KRT23: variants seen among roughly 807,000 people sequenced by gnomAD.
KRT23 encodes the protein keratin 23.
Under a neutral mutation model 47.6 loss-of-function variants are expected in KRT23, and 38 were observed. That is an observed-to-expected ratio of 0.80 (90% CI 0.62 to 1.05). The LOEUF is 1.05. Among genes scored for constraint, KRT23 ranks in the 50% least tolerant of loss-of-function variants. The probability of loss-of-function intolerance (pLI) is 0.00; values close to 1 mark genes in which losing one functional copy is unlikely to be tolerated. For missense variants in KRT23, 503 were observed against 529.5 expected (o/e 0.95, Z 0.49); for synonymous variants, 191 against 199.0 (o/e 0.96, Z 0.34).
intron 6 of KRT23, among the ~76,000 whole-genome samples, chr17:40,927,643 A>G (rs1909313482): frequency 1.3e-5 from 2 of 152,144 alleles, no homozygotes; most frequent in Non-Finnish European, 2.9e-5. Flanking sequence ...GCATTTTTCT[A>G]AACTGTGAAG....
chr17:40,936,488 C>G lies in KRT23; in HGVS notation c.116G>C (p.Gly39Ala). The G allele has an allele frequency of 6.4e-7, 1 of 1,564,862 alleles. No homozygotes were observed. Among genetic ancestry groups the G allele is most frequent in the South Asian group, 1.2e-5 (1 of 82,448 alleles). ...PRAPTVHGGA[G>A]GARISLSFTT... ...GAAGGACAGGGAGATGCGGGCTCCC[C>G]CCGCACCGCCATGGACGGTGGGAGC... Residue 39 changes from glycine to alanine, a missense_variant, in exon 2 of 9, where the codon GGG becomes GCG. Transcript: ENST00000209718.
At chr17:40,932,669 G>A (rs1413488926) in intron 2 of KRT23, among the ~76,000 whole-genome samples, 1 of 152,132 alleles carries the variant, frequency 6.6e-6, no homozygotes, top group African/African-American at 2.4e-5. Context: ...GAGAATCCTG[G>A]GTAATTCCCA....
At chr17:40,932,764 G>T (rs1402938780) in intron 2 of KRT23, among the ~76,000 whole-genome samples, 2 of 152,160 alleles carry the variant, frequency 1.3e-5, no homozygotes, top group African/African-American at 4.8e-5. Flanking sequence ...CCTTTTAAAA[G>T]TCTGGTCCTA....
chr17:40,929,764 T>G, intron 4 of KRT23, 176 bp downstream of exon 4: 2 of 517,870 alleles, frequency 3.9e-6, no homozygotes, highest in Non-Finnish European at 6.7e-6. Flanking sequence ...GACATGTGAC[T>G]AGCTAACCTT....
intron 2 of KRT23, among the ~76,000 whole-genome samples, chr17:40,935,612 T>C (rs1452731180): frequency 6.6e-6 from 1 of 152,224 alleles, no homozygotes. Flanking sequence ...TGAGCAACTT[T>C]ACTGCAAGCA....
chr17:40,933,345 G>A (rs1909826965), intron 2 of KRT23, among the ~76,000 whole-genome samples: 1 of 152,148 alleles, frequency 6.6e-6, no homozygotes, highest in Non-Finnish European at 1.5e-5. Flanking sequence ...CCACAGTGCT[G>A]CTTAGGGGCA....
chr17:40,924,375 C>G, intron 8 of KRT23, 97 bp downstream of exon 8: 3 of 936,430 alleles, frequency 3.2e-6, no homozygotes, highest in Non-Finnish European at 5.1e-6. Context: ...GAACCCAGGA[C>G]ATTTGGGAGT....
chr17:40,924,373 G>T, intron 8 of KRT23, 99 bp downstream of exon 8: 1 of 916,154 alleles, frequency 1.1e-6, no homozygotes, highest in East Asian at 2.5e-5. Context: ...TTGAACCCAG[G>T]ACATTTGGGA....
At position 40,929,933 on chromosome 17, in the gene KRT23, G is replaced by T. The variant is rs1176830680; in HGVS notation, c.636+7C>A. On this transcript the variant is annotated splice_region_variant and intron_variant, in intron 4 of 8. Transcript: ENST00000209718. ...GCTTATTAGCAGGTGTTCCTGGGGA[G>T]TTGTACCTGCTCATGGTGCTTCTTC... 6.2e-7 allele frequency: 1 copy of T among 1,613,418 alleles called. No individual in the cohort carries two copies. The highest frequency in any genetic ancestry group is 8.5e-7 in the Non-Finnish European group (1 of 1,179,804).
At chr17:40,929,077 A>G (rs1309520535) in intron 4 of KRT23, among the ~76,000 whole-genome samples, 1 of 151,944 alleles carries the variant, frequency 6.6e-6, no homozygotes, top group African/African-American at 2.4e-5. Context: ...GTAATCAAAT[A>G]GCCTCCATGA....
At position 40,928,304 on chromosome 17, in the gene KRT23, A is replaced by G. The variant is rs769004677; in HGVS notation, c.855T>C (p.Gly285=). ...ASPATVQSRQ[G]DIHELKRTFQ... ...ATGTGCGCTTCAGTTCGTGGATGTC[A>G]CCTTGTCTGCTCTGCACAGTGGCTG... Residue 285 remains glycine (G), a synonymous_variant, in exon 6 of 9, where the codon GGT becomes GGC. Coordinates refer to ENST00000209718, the MANE Select transcript of KRT23 (RefSeq NM_015515.5). 5.0e-6 allele frequency: 8 copies of G among 1,614,028 alleles called. No homozygotes were observed. In the African/African-American group the frequency reaches 1.1e-4, roughly 22 times the overall value.
Position 40,924,630 on chromosome 17 carries a change from G to A in KRT23, c.1143-127C>T, listed in dbSNP as rs191901202. The A allele has an allele frequency of 5.3e-4, 400 of 759,584 alleles. 7 individuals carry two copies. In the South Asian group the frequency reaches 6.5e-3, roughly 12 times the overall value. The allele number at this position is 759,584 out of a possible 1,614,324, so 47.1% of individuals were successfully genotyped here. ...CTCTTTAATGAGGATAATTGTCTGA[G>A]CTTAGTAGTCTCAAGGTCATGGGTT... On this transcript the variant is annotated intron_variant, in intron 7 of 8. Coordinates refer to ENST00000209718, the MANE Select transcript of KRT23 (RefSeq NM_015515.5).
At chr17:40,936,151 G>T in intron 2 of KRT23, 57 bp downstream of exon 2, 10 of 1,595,404 alleles carry the variant, frequency 6.3e-6, no homozygotes, top group East Asian at 2.2e-5. Flanking sequence ...TTTTCCTCCC[G>T]AGGGTCCCCT....
intron 3 of KRT23, among the ~76,000 whole-genome samples, chr17:40,931,069 T>C (rs1405188489): frequency 2.7e-5 from 4 of 149,746 alleles, no homozygotes; most frequent in African/African-American, 9.9e-5. Flanking sequence ...GGAGTGTTAG[T>C]GGCGTGATCT....
Position 40,930,003 on chromosome 17 carries a change from G to A in KRT23, c.573C>T (p.Asp191=). 1 of 1,614,150 alleles carries A rather than the reference G, an allele frequency of 6.2e-7. No individual in the cohort carries two copies. Among genetic ancestry groups the A allele is most frequent in the Non-Finnish European group, 8.5e-7 (1 of 1,180,008 alleles). ...TCATTCCTTCCACCTCCTGTTCTAGGTCTGTTGTGACAATGGTCAGGTTGT... is the reference window on the plus strand; with the variant it reads ...TCATTCCTTCCACCTCCTGTTCTAGATCTGTTGTGACAATGGTCAGGTTGT... ...TLDNLTIVTT[D]LEQEVEGMRK... is the part of the protein sequence containing the mutation. The change falls in exon 4 of 9, where the codon GAC becomes GAT. Residue 191 remains aspartate, a synonymous_variant. Transcript: ENST00000209718.
rs748784785 is a variant in KRT23 at position 40,929,975 on chromosome 17, T to C, written c.601A>G (p.Lys201Glu). The C allele has an allele frequency of 6.2e-7, 1 of 1,614,142 alleles. No individual in the cohort carries two copies. Among genetic ancestry groups the C allele is most frequent in the Non-Finnish European group, 8.5e-7 (1 of 1,180,000 alleles). The change falls in exon 4 of 9, where the codon AAA becomes GAA. Residue 201 changes from lysine to glutamate, a missense_variant. Coordinates refer to ENST00000209718, the MANE Select transcript of KRT23 (RefSeq NM_015515.5). ...TGCTTCTTCATGAGAATGAGCTCTT[T>C]CCTCATTCCTTCCACCTCCTGTTCT... ...DLEQEVEGMRKELILMKKHHE... is the reference protein window; with the variant it reads ...DLEQEVEGMREELILMKKHHE...
intron 4 of KRT23, chr17:40,929,674 C>T (rs1037570108): frequency 1.2e-5 from 5 of 406,568 alleles, no homozygotes; most frequent in African/African-American, 4.1e-5. Flanking sequence ...TTAACAAGCA[C>T]ATCTAGGTAA....
chr17:40,935,667 C>T (rs62068062), intron 2 of KRT23, among the ~76,000 whole-genome samples: 1,765 of 152,282 alleles, frequency 0.012, 12 homozygotes, highest in Non-Finnish European at 0.019. Flanking sequence ...GACCTATATG[C>T]TGGTGTGGTG....
Position 40,936,536 on chromosome 17 carries a change from C to A in KRT23, c.68G>T (p.Gly23Val), listed in dbSNP as rs989430084. The change falls in exon 2 of 9, where the codon GGC becomes GTC. Residue 23 changes from glycine to valine, a missense_variant. Gly to Val is a moderately radical substitution (Grantham distance 109). Transcript: ENST00000209718. ...ASFHGAGGGWGRPRSFPRAPT... is the reference protein window; with the variant it reads ...ASFHGAGGGWVRPRSFPRAPT... Reference sequence around the variant, plus strand: ...AGCCCTGGGGAAGCTCCTGGGCCGGCCCCAGCCACCTCCGGCGCCATGGAA... The same window carrying A: ...AGCCCTGGGGAAGCTCCTGGGCCGGACCCAGCCACCTCCGGCGCCATGGAA... 2.6e-6 allele frequency: 4 copies of A among 1,522,128 alleles called. No individual in the cohort carries two copies. Among genetic ancestry groups the A allele is most frequent in the Non-Finnish European group, 3.5e-6 (4 of 1,138,058 alleles). 94.3% of individuals were successfully genotyped at this position (1,522,128 alleles called of 1,614,324 possible). A position where few individuals can be genotyped will look rare whatever the true frequency, so the allele number is the denominator to read the frequency against.
Sources: allele counts gnomAD v4.1 joint callset (sites outside exome capture counted in the v4.1 genomes callset), GRCh38; gene constraint gnomAD v4.1.1; transcripts MANE v1.5; gene names NCBI Gene and HGNC (gene_info 2026-07-23, HGNC 2026-07-21).